The following NKTR variants were observed in gnomAD, a reference collection of about 807,000 sequenced individuals.
NKTR encodes natural killer cell triggering receptor, also known as NK-tumor recognition protein.
Under a neutral mutation model 156.3 loss-of-function variants are expected in NKTR, and 67 were observed. The observed-to-expected ratio is 0.43, with a 90% CI of 0.35 to 0.53. The LOEUF is 0.53. Among genes scored for constraint, NKTR ranks in the 20% least tolerant of loss-of-function variants. NKTR has a pLI of 0.01. For missense variants in NKTR, 1,604 were observed against 1,730.9 expected, an observed-to-expected ratio of 0.93 and a Z score of 1.30; for synonymous variants, 640 against 596.6, an observed-to-expected ratio of 1.07 and a Z score of -1.06.
intron 3 of NKTR, among the ~76,000 whole-genome samples, chr3:42,618,437 G>C (rs1301909559): frequency 6.6e-6 from 1 of 151,636 alleles, no homozygotes; most frequent in South Asian, 2.1e-4. Flanking sequence ...CTAACTCCTT[G>C]ATTTTGTTAT....
intron 2 of NKTR, among the ~76,000 whole-genome samples, chr3:42,605,154 C>T (rs974172146): frequency 2.0e-5 from 3 of 152,032 alleles, no homozygotes; most frequent in African/African-American, 7.2e-5. Context: ...TTTCCTTTGC[C>T]TCAGATATGA....
At chr3:42,607,969 CTTT>C (rs201803926) in intron 2 of NKTR, among the ~76,000 whole-genome samples, 16 of 74,924 alleles carry the variant, frequency 2.1e-4, no homozygotes, top group South Asian at 4.7e-4. Flanking sequence ...CTGAGTCGCT[CTTT>C]TTTTTTTTTT....
chr3:42,631,008 A>C, intron 7 of NKTR, 163 bp from the exon 8 acceptor site: 1 of 1,415,618 alleles, frequency 7.1e-7, no homozygotes, highest in Middle Eastern at 2.6e-4. Flanking sequence ...CCTTTTATGA[A>C]GCAGATTTCA....
chr3:42,638,081 T>C lies in NKTR; in HGVS notation c.2377T>C (p.Ser793Pro), dbSNP rs766835637. The part of the protein sequence containing the change: ...SKYVKGRDRS[S>P]CVRKYSESRS... ...ATATGTCAAAGGTAGAGACAGGTCT[T>C]CATGTGTGAGAAAGTATAGCGAGAG... Residue 793 changes from serine to proline, a missense_variant, in exon 13 of 17, where the codon TCA (serine) becomes CCA (proline). Ser to Pro is a moderately conservative substitution (Grantham distance 74). Coordinates refer to ENST00000232978, the MANE Select transcript of NKTR (RefSeq NM_005385.4). 24 of 1,614,014 alleles carry C rather than the reference T, an allele frequency of 1.5e-5. 1 individual carries two copies. In the Admixed American group the frequency reaches 4.0e-4, roughly 27 times the overall value.
chr3:42,608,164 A>AT (rs1706421945), intron 2 of NKTR, among the ~76,000 whole-genome samples: 1 of 150,940 alleles, frequency 6.6e-6, no homozygotes, highest in Non-Finnish European at 1.5e-5. Context: ...TACTTCTTGT[A>AT]TTTTTTATTA....
rs992180877 is a variant in NKTR, at chr3:42,600,776, C to T, written c.-26C>T. 1 of 372,624 alleles carries T rather than the reference C, an allele frequency of 2.7e-6. No individual in the cohort carries two copies. The allele number at this position is 372,624 out of a possible 1,614,324, so 23.1% of individuals were successfully genotyped here. A position where few individuals can be genotyped will look rare whatever the true frequency, so the allele number is the denominator to read the frequency against. ...GGACCCGCTCAGGCTGGAGGCCAGC[C>T]AGGTGAAGAGCTCGCCCGCATGCGT... On this transcript the variant is annotated splice_region_variant and 5_prime_UTR_variant, in exon 1 of 17. Transcript: ENST00000232978.
intron 2 of NKTR, among the ~76,000 whole-genome samples, chr3:42,613,990 A>G (rs1707101552): frequency 6.6e-6 from 1 of 152,184 alleles, no homozygotes; most frequent in Admixed American, 6.5e-5. Context: ...GACGAAAACT[A>G]TGTATAAGAA....
Position 42,639,079 on chromosome 3 carries a change from A to G in NKTR, c.3375A>G (p.Thr1125=), listed in dbSNP as rs781195627. Residue 1125 remains threonine, a synonymous_variant, in exon 13 of 17, where the codon ACA becomes ACG. Transcript: ENST00000232978. ...ATGGAGTGGAAGATGTGCTTCAAAC[A>G]GATGACAACATGGAGATCTGCACTC... ...VPNGVEDVLQ[T]DDNMEICTPD... 6.2e-7 allele frequency: 1 copy of G among 1,614,114 alleles called. No homozygotes were observed. The highest frequency in any genetic ancestry group is 1.7e-5 in the Admixed American group (1 of 60,018).
chr3:42,640,818 G>A lies in NKTR; in HGVS notation c.4046+1068G>A, dbSNP rs963220229. Among the ~76,000 whole-genome samples, 17 of 152,258 alleles carry A rather than the reference G, an allele frequency of 1.1e-4. No individual in the cohort carries two copies. The East Asian group carries it at 2.3e-3, about 21-fold the overall frequency. ...TCCTTTCTCCCACTCAGGCCATTTC[G>A]TCCCTGTGTTCTAGGCTTCTCTTCT... is the stretch of plus-strand genomic sequence containing the variant. On this transcript the variant is annotated intron_variant, in intron 13 of 16. Transcript: ENST00000232978.
At chr3:42,633,793 C>A in intron 10 of NKTR, 58 bp downstream of exon 10, 2 of 1,590,900 alleles carry the variant, frequency 1.3e-6, no homozygotes, top group Non-Finnish European at 1.7e-6. Flanking sequence ...GTTCCGTCAG[C>A]TCATTGCATT....
In NKTR at chr3:42,619,772, A is replaced by G; in HGVS notation, c.286+64A>G. The G allele has an allele frequency of 3.8e-6, 6 of 1,588,562 alleles. No homozygotes were observed. The South Asian group carries it at 6.9e-5, about 18-fold the overall frequency. ...GATATTAAAGCAAGTTTGATCATATACTTTTAATGAGAAGAGGTTTACTTA... is the reference window on the plus strand; with the variant it reads ...GATATTAAAGCAAGTTTGATCATATGCTTTTAATGAGAAGAGGTTTACTTA... On this transcript the variant is annotated intron_variant, in intron 5 of 16. Coordinates refer to ENST00000232978, the MANE Select transcript of NKTR (RefSeq NM_005385.4).
chr3:42,607,040 A>G (rs1038052435), intron 2 of NKTR, among the ~76,000 whole-genome samples: 3 of 141,646 alleles, frequency 2.1e-5, no homozygotes, highest in Middle Eastern at 3.3e-3. Context: ...CCTCATATGA[A>G]GATACCTTGT....
At position 42,637,163 on chromosome 3, in the gene NKTR, T is replaced by A; in HGVS notation, c.1459T>A (p.Ser487Thr). ...TTGTGATAGAGAAAGGAGTTCTCGT[T>A]CTTCCTCATTGTCATCTCATCACTC... ...SSCDRERSSR[S>T]SSLSSHHSSK... Residue 487 changes from serine to threonine, a missense_variant, in exon 13 of 17, where the codon TCT (serine) becomes ACT (threonine). By Grantham distance (58) the Ser-to-Thr change is moderately conservative. Transcript: ENST00000232978. 6.2e-7 allele frequency: 1 copy of A among 1,611,952 alleles called. No individual in the cohort carries two copies. Among genetic ancestry groups the A allele is most frequent in the Non-Finnish European group, 8.5e-7 (1 of 1,179,476 alleles).
chr3:42,601,202 G>GA (rs1705406113), intron 2 of NKTR, 138 bp downstream of exon 2: 1 of 635,750 alleles, frequency 1.6e-6, no homozygotes, highest in South Asian at 2.1e-5. Context: ...TCTCTTGAGA[G>GA]AAAATCAGTG....
chr3:42,630,627 A>G (rs1708807175), intron 7 of NKTR, 52 bp downstream of exon 7: 23 of 1,612,116 alleles, frequency 1.4e-5, no homozygotes, highest in Non-Finnish European at 2.0e-5. Context: ...GGCCAGCCAT[A>G]AAGAGAGATT....
In NKTR at chr3:42,630,242, T is replaced by C. The variant is rs989683890; in HGVS notation, c.375-304T>C. 1.7e-5 allele frequency: 19 copies of C among 1,137,338 alleles called. No homozygotes were observed. The African/African-American group carries it at 2.6e-4, about 15-fold the overall frequency. The allele number at this position is 1,137,338 out of a possible 1,614,324, so 70.5% of individuals were successfully genotyped here. On this transcript the variant is annotated intron_variant, in intron 6 of 16. Coordinates refer to ENST00000232978, the MANE Select transcript of NKTR (RefSeq NM_005385.4). ...GTTTTGGAGTTGAGAGTAACTTTAA[T>C]TTTTATGTGTATTCATGCTGTGTAT...
At position 42,638,102 on chromosome 3, in the gene NKTR, G is replaced by A. The variant is rs372647974; in HGVS notation, c.2398G>A (p.Glu800Lys). The A allele has an allele frequency of 1.5e-4, 242 of 1,614,042 alleles. No individual in the cohort carries two copies. The South Asian group carries it at 2.4e-3, about 16-fold the overall frequency. ...GTCTTCATGTGTGAGAAAGTATAGC[G>A]AGAGCAGATCATCTTTAGATTATTC... ...DRSSCVRKYSESRSSLDYSSD... is the reference protein window; with the variant it reads ...DRSSCVRKYSKSRSSLDYSSD... The change falls in exon 13 of 17, where the codon GAG becomes AAG. Residue 800 changes from glutamate to lysine, a missense_variant. Around this residue, in one of 6 missense-constraint regions of NKTR, gnomAD observed 1,255 missense variants for 1,243.7 expected, o/e 1.01. Transcript: ENST00000232978.
Position 42,630,565 on chromosome 3 carries a change from C to T in NKTR, c.394C>T (p.His132Tyr). The change falls in exon 7 of 17, where the codon CAC becomes TAC. Residue 132 changes from histidine (H) to tyrosine (Y), a missense_variant. Physicochemically the swap from His to Tyr is moderately conservative, Grantham distance 83. Coordinates refer to ENST00000232978, the MANE Select transcript of NKTR (RefSeq NM_005385.4). Reference protein sequence around the residue: ...QFFITTKPAPHLDGVHVVFGL... With the variant: ...QFFITTKPAPYLDGVHVVFGL... ...ACATAGTACCACAAAGCCTGCTCCA[C>T]ACCTGGATGGGTAAGAGTTACATTC... The T allele has an allele frequency of 6.2e-7, 1 of 1,613,872 alleles. No individual in the cohort carries two copies. Among genetic ancestry groups the T allele is most frequent in the Non-Finnish European group, 8.5e-7 (1 of 1,179,844 alleles).
At chr3:42,629,952 T>C in intron 6 of NKTR, 1 of 985,458 alleles carries the variant, frequency 1.0e-6, no homozygotes. Context: ...CTTTTCTCCC[T>C]ATCGCATTTT....
Sources: allele counts gnomAD v4.1 joint callset (sites outside exome capture counted in the v4.1 genomes callset), GRCh38; gene constraint gnomAD v4.1.1; regional missense constraint gnomAD v4.1.1; transcripts MANE v1.5; gene names NCBI Gene and HGNC (gene_info 2026-07-23, HGNC 2026-07-21).